TMEM161A: variants seen among roughly 807,000 people sequenced by gnomAD.
TMEM161A encodes the protein transmembrane protein 161A.
A neutral mutation model predicts 57.1 loss-of-function variants in TMEM161A; 46 were observed. The ratio of observed to expected loss-of-function variants is 0.81; its 90% CI spans 0.64 to 1.03. The LOEUF (loss-of-function observed/expected upper bound fraction) is 1.03. Among genes scored for constraint, TMEM161A ranks in the 50% least tolerant of loss-of-function variants. TMEM161A has a pLI of 0.00. For missense variants in TMEM161A, 601 were observed against 621.5 expected, an observed-to-expected ratio of 0.97 and a Z score of 0.35; for synonymous variants, 288 against 279.0, an observed-to-expected ratio of 1.03 and a Z score of -0.32.
At chr19:19,125,515 T>A (rs927298055) in intron 6 of TMEM161A, among the ~76,000 whole-genome samples, 1 of 122,886 alleles carries the variant, frequency 8.1e-6, no homozygotes, top group Non-Finnish European at 1.7e-5. Context: ...CTTGCCCAGC[T>A]TTTTTTTTTT....
At chr19:19,138,380 G>T in intron 1 of TMEM161A, 46 bp downstream of exon 1, 1 of 1,590,286 alleles carries the variant, frequency 6.3e-7, no homozygotes, top group East Asian at 2.3e-5. Flanking sequence ...CCTTCGGCTG[G>T]ACCTCGGCCC....
intron 1 of TMEM161A, among the ~76,000 whole-genome samples, chr19:19,136,078 T>C (rs992746461): frequency 6.6e-6 from 1 of 151,950 alleles, no homozygotes; most frequent in African/African-American, 2.4e-5. Context: ...CATTTTCATA[T>C]ACTTATTTTT....
intron 1 of TMEM161A, among the ~76,000 whole-genome samples, chr19:19,136,649 C>CT (rs1206773083): frequency 6.6e-6 from 1 of 152,088 alleles, no homozygotes; most frequent in East Asian, 1.9e-4. Context: ...GAGTGGGACT[C>CT]TGTCTCAAAA....
In TMEM161A at chr19:19,134,789, G is replaced by A. The variant is rs538146991; in HGVS notation, c.102C>T (p.Asn34=). The part of the protein sequence containing the change: ...HCSFARWLLC[N]GSLFRYKHPS... ...ACCGCCGGGGCGGGGCTCACCTGCC[G>A]TTACAGAGCAGCCAGCGCGCGAAGG... The change falls in exon 2 of 12, where the codon AAC becomes AAT. Residue 34 remains asparagine, a synonymous_variant. Transcript: ENST00000162044. 2.3e-5 allele frequency: 36 copies of A among 1,572,326 alleles called. No individual in the cohort carries two copies. The Admixed American group carries it at 3.1e-4, about 14-fold the overall frequency.
Position 19,121,401 on chromosome 19 carries a change from AAGCTGGT to A in TMEM161A, c.814_820del (p.Thr272SerfsTer56). On this transcript the variant is annotated frameshift_variant, in exon 9 of 12. Transcript: ENST00000162044. LOFTEE classifies it high-confidence loss of function. This position sits in a 1 kb window ranked among gnomAD's most constrained non-coding sequence, Gnocchi z 5.8. Reference sequence around the variant, plus strand: ...CCACAGGATGAACAGGGGAGACAGGAAGCTGGTGTGCAGGAGGAACCTGGGGGGTGAG... The same window carrying A: ...CCACAGGATGAACAGGGGAGACAGGAGTGCAGGAGGAACCTGGGGGGTGAG... 6.2e-7 allele frequency: 1 copy of A among 1,613,456 alleles called. No individual in the cohort carries two copies. The highest frequency in any genetic ancestry group is 8.5e-7 in the Non-Finnish European group (1 of 1,179,684).
In TMEM161A at chr19:19,121,694, T is replaced by G. The variant is rs1422857082; in HGVS notation, c.657-26A>C. On this transcript the variant is annotated intron_variant, in intron 7 of 11. Transcript: ENST00000162044. The surrounding 1 kb of genome is among the most constrained non-coding windows in gnomAD (Gnocchi z 5.8). ...CTAGGAGAACACCAGGTCACGAGCC[T>G]GCCTGGGGGACCCTGGGAGGGTCCC... 2 of 1,612,450 alleles carry G rather than the reference T, an allele frequency of 1.2e-6. No homozygotes were observed. The highest frequency in any genetic ancestry group is 1.1e-5 in the South Asian group (1 of 91,066).
chr19:19,132,333 G>A lies in TMEM161A; in HGVS notation c.443+19C>T. The A allele has an allele frequency of 6.2e-7, 1 of 1,605,580 alleles. No individual in the cohort carries two copies. Among genetic ancestry groups the A allele is most frequent in the Non-Finnish European group, 8.5e-7 (1 of 1,175,358 alleles). On this transcript the variant is annotated intron_variant, in intron 5 of 11. Coordinates refer to ENST00000162044, the MANE Select transcript of TMEM161A (RefSeq NM_017814.3). The surrounding 1 kb of genome is among the most constrained non-coding windows in gnomAD (Gnocchi z 4.3). ...TGCTCCCACCCGCCCCACTGGCAGG[G>A]AGCAGAGAGGAAGGATACATGGAGA...
In TMEM161A at chr19:19,121,008, C is replaced by T. The variant is rs751433550; in HGVS notation, c.1073G>A (p.Arg358His). 5 of 1,606,838 alleles carry T rather than the reference C, an allele frequency of 3.1e-6. No homozygotes were observed. Among genetic ancestry groups the T allele is most frequent in the African/African-American group, 2.7e-5 (2 of 74,968 alleles). The change falls in exon 10 of 12, where the codon CGT becomes CAT. Residue 358 changes from arginine (R) to histidine (H), a missense_variant. By Grantham distance (29) the Arg-to-His change is conservative (BLOSUM62 0). Coordinates refer to ENST00000162044, the MANE Select transcript of TMEM161A (RefSeq NM_017814.3). This position sits in a 1 kb window ranked among gnomAD's most constrained non-coding sequence, Gnocchi z 5.8. ...LRREAGRIEA[R>H]EIQQRVVRVY... ...CGTCCATACCCTCTGCTGGATTTCA[C>T]GGGCTTCGATGCGGCCAGCCTCCCT...
chr19:19,121,662 A>T lies in TMEM161A; in HGVS notation c.663T>A (p.Pro221=), dbSNP rs771566096. The T allele has an allele frequency of 1.2e-6, 2 of 1,613,602 alleles. No individual in the cohort carries two copies. The highest frequency in any genetic ancestry group is 1.7e-6 in the Non-Finnish European group (2 of 1,179,634). The change falls in exon 8 of 12, where the codon CCT becomes CCA. Residue 221 remains proline (P), a synonymous_variant. Coordinates refer to ENST00000162044, the MANE Select transcript of TMEM161A (RefSeq NM_017814.3). This position sits in a 1 kb window ranked among gnomAD's most constrained non-coding sequence, Gnocchi z 5.8. Reference sequence around the variant, plus strand: ...CCACGCGGATAGCCAGCTTGGCCACAGGAAGCCTAGGAGAACACCAGGTCA... The same window carrying T: ...CCACGCGGATAGCCAGCTTGGCCACTGGAAGCCTAGGAGAACACCAGGTCA... The part of the protein sequence containing the change: ...LKKQGWDWAL[P]VAKLAIRVGL...
chr19:19,119,814 C>CG lies in TMEM161A; in HGVS notation c.*115dup. The CG allele has an allele frequency of 7.4e-7, 1 of 1,346,716 alleles. No homozygotes were observed. The allele number at this position is 1,346,716 out of a possible 1,614,324, so 83.4% of individuals were successfully genotyped here. ...TCAGGCACTGTGGTGAAGGGAACGC[C>CG]GGGGAGTCCGGCCCCACCTTGCAGC... On this transcript the variant is annotated 3_prime_UTR_variant, in exon 12 of 12. Coordinates refer to ENST00000162044, the MANE Select transcript of TMEM161A (RefSeq NM_017814.3).
rs1224500060 is a variant in TMEM161A, at chr19:19,119,335, GGTTTCACCATGC to G, written c.*583_*594del. On this transcript the variant is annotated 3_prime_UTR_variant, in exon 12 of 12. Transcript: ENST00000162044. ...ATTTTTGTTATTTTAGTAAAGACTG[GGTTTCACCATGC>G]GTTGACCAGGCTGGTCTCAAACTGC... 1.3e-5 allele frequency: 2 copies of G among 153,284 alleles called. No individual in the cohort carries two copies. Among genetic ancestry groups the G allele is most frequent in the Non-Finnish European group, 2.9e-5 (2 of 68,902 alleles). The allele number at this position is 153,284 out of a possible 1,614,324, so 9.5% of individuals were successfully genotyped here. A position where few individuals can be genotyped will look rare whatever the true frequency, so the allele number is the denominator to read the frequency against.
In TMEM161A at chr19:19,119,724, C is replaced by T; in HGVS notation, c.*206G>A. 2 of 630,496 alleles carry T rather than the reference C, an allele frequency of 3.2e-6. No homozygotes were observed. The highest frequency in any genetic ancestry group is 5.4e-6 in the Non-Finnish European group (2 of 368,374). 39.1% of individuals were successfully genotyped at this position (630,496 alleles called of 1,614,324 possible). On this transcript the variant is annotated 3_prime_UTR_variant, in exon 12 of 12. Coordinates refer to ENST00000162044, the MANE Select transcript of TMEM161A (RefSeq NM_017814.3). ...TCGGAGACAATGGCCTCGGGACCCTCATGCTGCTGGGCCCAGGAGAGACAG... is the reference window on the plus strand; with the variant it reads ...TCGGAGACAATGGCCTCGGGACCCTTATGCTGCTGGGCCCAGGAGAGACAG...
rs55948436 is a variant in TMEM161A, at chr19:19,132,041, A to G, written c.443+311T>C. ...GACTGGCCTGGTGATTTCCTTAAACAAGGAGAATGTGGTAGAAAGAATAGG... is the reference window on the plus strand; with the variant it reads ...GACTGGCCTGGTGATTTCCTTAAACGAGGAGAATGTGGTAGAAAGAATAGG... On this transcript the variant is annotated intron_variant, in intron 5 of 11. Transcript: ENST00000162044. This position sits in a 1 kb window ranked among gnomAD's most constrained non-coding sequence, Gnocchi z 4.3. Among the ~76,000 whole-genome samples, 1,521 of 152,258 alleles carry G rather than the reference A, an allele frequency of 1.0e-2. 26 individuals are homozygous for G. Among genetic ancestry groups the G allele is most frequent in the African/African-American group, 0.035 (1,473 of 41,540 alleles).
At chr19:19,135,112 G>A (rs1270477341) in intron 1 of TMEM161A, among the ~76,000 whole-genome samples, 1 of 152,084 alleles carries the variant, frequency 6.6e-6, no homozygotes, top group Non-Finnish European at 1.5e-5. Flanking sequence ...ACCACCTAGC[G>A]GGAGTGTAGG....
chr19:19,132,893 T>TCCCC lies in TMEM161A; in HGVS notation c.189-143_189-140dup. ...TCCTCTGCACACTGGGATATGGGGA[T>TCCCC]CCCCCCACCCACCCACAGGACTGGC... On this transcript the variant is annotated intron_variant, in intron 3 of 11. Transcript: ENST00000162044. The surrounding 1 kb of genome is among the most constrained non-coding windows in gnomAD (Gnocchi z 4.3). The TCCCC allele has an allele frequency of 1.3e-6, 1 of 775,384 alleles. No homozygotes were observed. Among genetic ancestry groups the TCCCC allele is most frequent in the Admixed American group, 3.0e-5 (1 of 32,830 alleles). 48.0% of individuals were successfully genotyped at this position (775,384 alleles called of 1,614,324 possible). A position where few individuals can be genotyped will look rare whatever the true frequency, so the allele number is the denominator to read the frequency against.
At chr19:19,124,932 G>A (rs886064648) in intron 6 of TMEM161A, among the ~76,000 whole-genome samples, 1 of 152,038 alleles carries the variant, frequency 6.6e-6, no homozygotes, top group Non-Finnish European at 1.5e-5. Flanking sequence ...TCCAGCCTGG[G>A]TGACAAGAGC....
intron 6 of TMEM161A, among the ~76,000 whole-genome samples, chr19:19,128,190 G>C (rs1392119892): frequency 6.6e-6 from 1 of 151,500 alleles, no homozygotes; most frequent in African/African-American, 2.4e-5. Context: ...GAGTTGTGGA[G>C]ATGGACGGTG....
Position 19,132,794 on chromosome 19 carries a change from C to A in TMEM161A, c.189-40G>T, listed in dbSNP as rs767100904. On this transcript the variant is annotated intron_variant, in intron 3 of 11. Transcript: ENST00000162044. The surrounding 1 kb of genome is among the most constrained non-coding windows in gnomAD (Gnocchi z 4.3). Reference sequence around the variant, plus strand: ...ACAAGCAAGAGGGACGGTGAGCACGCATTCCACTGAGGCCAGCCACCCTCA... The same window carrying A: ...ACAAGCAAGAGGGACGGTGAGCACGAATTCCACTGAGGCCAGCCACCCTCA... The A allele has an allele frequency of 2.0e-6, 3 of 1,478,232 alleles. No individual in the cohort carries two copies. The South Asian group carries it at 4.1e-5, about 20-fold the overall frequency. 91.6% of individuals were successfully genotyped at this position (1,478,232 alleles called of 1,614,324 possible).
intron 6 of TMEM161A, among the ~76,000 whole-genome samples, chr19:19,126,523 A>G (rs559790105): frequency 3.7e-4 from 56 of 152,228 alleles, no homozygotes; most frequent in African/African-American, 1.3e-3. Flanking sequence ...TCAAGAGTTC[A>G]AGACTAGCCT....
Sources: gnomAD v4.1 joint callset for allele counts (sites outside exome capture counted in the v4.1 genomes callset) on GRCh38, gnomAD v4.1.1 for gene constraint, Gnocchi (gnomAD v3.1) non-coding constraint, MANE v1.5 for transcripts, NCBI Gene and HGNC (gene_info 2026-07-23, HGNC 2026-07-21) for gene names.